Variants in GRM1 observed in about 807,000 individuals in gnomAD.
GRM1 encodes glutamate metabotropic receptor 1.
Under a neutral mutation model 90.9 loss-of-function variants are expected in GRM1, and 33 were observed. The observed-to-expected ratio is 0.36, with a 90% CI of 0.28 to 0.49. The LOEUF is 0.49. Ranked by LOEUF, GRM1 falls within the 20% of genes least tolerant of loss-of-function variation. The pLI, the probability that GRM1 is intolerant of heterozygous loss-of-function variation, is 0.99. For synonymous variants in GRM1, 700 were observed against 613.2 expected (o/e 1.14, Z -2.09); for missense variants, 1,190 against 1,534.3 (o/e 0.78, Z 3.75).
chr6:146,125,450 T>C, intron 1 of GRM1, among the ~76,000 whole-genome samples: 1 of 151,794 alleles, frequency 6.6e-6, no homozygotes, highest in East Asian at 1.9e-4. Flanking sequence ...CTCTTTCTTT[T>C]CTTTCTTTCT....
chr6:146,275,277 G>A (rs1782312567), intron 2 of GRM1, among the ~76,000 whole-genome samples: 1 of 152,200 alleles, frequency 6.6e-6, no homozygotes, highest in Non-Finnish European at 1.5e-5. Flanking sequence ...AATTAAGCTA[G>A]ACCTTTTAAG....
chr6:146,160,798 G>A (rs1402324608), intron 2 of GRM1, among the ~76,000 whole-genome samples: 1 of 152,056 alleles, frequency 6.6e-6, no homozygotes, highest in Non-Finnish European at 1.5e-5. Context: ...ACAAATAAAT[G>A]AATAAAGAAA....
At chr6:146,194,066 T>C (rs986911184) in intron 2 of GRM1, among the ~76,000 whole-genome samples, 17 of 152,048 alleles carry the variant, frequency 1.1e-4, no homozygotes, top group African/African-American at 3.9e-4. Context: ...TTTCTTGATA[T>C]TTTTGTTATT....
At chr6:146,321,085 T>C (rs1784172068) in intron 3 of GRM1, among the ~76,000 whole-genome samples, 1 of 152,234 alleles carries the variant, frequency 6.6e-6, no homozygotes, top group African/African-American at 2.4e-5. Context: ...TTTATATCTT[T>C]CTCACTTTCC....
chr6:146,144,941 G>A (rs552245253), intron 1 of GRM1, among the ~76,000 whole-genome samples: 65 of 152,328 alleles, frequency 4.3e-4, no homozygotes, highest in African/African-American at 1.6e-3. Context: ...CTGGAGTAAA[G>A]GCTATCCTTT....
intron 2 of GRM1, among the ~76,000 whole-genome samples, chr6:146,251,703 C>T (rs998308324): frequency 9.2e-5 from 14 of 152,188 alleles, no homozygotes; most frequent in African/African-American, 3.4e-4. Flanking sequence ...GTATGATCCT[C>T]ATAAATCAAC....
intron 1 of GRM1, among the ~76,000 whole-genome samples, chr6:146,143,638 T>C (rs945225568): frequency 6.6e-6 from 1 of 152,298 alleles, no homozygotes; most frequent in Admixed American, 6.5e-5. Flanking sequence ...ACATTTTAAG[T>C]GGCTGCACAA....
chr6:146,373,416 G>A (rs548107176), intron 5 of GRM1, among the ~76,000 whole-genome samples: 163 of 152,214 alleles, frequency 1.1e-3, no homozygotes, highest in African/African-American at 3.7e-3. Flanking sequence ...AAGTGAAGGG[G>A]GAAGTGCTAC....
At chr6:146,322,466 A>T (rs1286617167) in intron 3 of GRM1, among the ~76,000 whole-genome samples, 1 of 152,190 alleles carries the variant, frequency 6.6e-6, no homozygotes, top group African/African-American at 2.4e-5. Context: ...CAGGCAGGAA[A>T]GTTTAAGTCT....
chr6:146,284,147 G>A (rs955116490), intron 2 of GRM1, among the ~76,000 whole-genome samples: 23 of 152,160 alleles, frequency 1.5e-4, no homozygotes, highest in African/African-American at 4.8e-4. Context: ...TGAAAAGCAT[G>A]TGGGAAATAT....
intron 7 of GRM1, among the ~76,000 whole-genome samples, chr6:146,426,328 CA>C (rs1257311873): frequency 2.0e-5 from 3 of 149,062 alleles, no homozygotes; most frequent in Non-Finnish European, 4.5e-5. Context: ...ACACACACAG[CA>C]AAAAAAGCAT....
chr6:146,307,388 C>T (rs568291489), intron 3 of GRM1, among the ~76,000 whole-genome samples: 47 of 152,166 alleles, frequency 3.1e-4, no homozygotes, highest in Non-Finnish European at 5.6e-4. Flanking sequence ...ATTCATAAAA[C>T]TTATTTATGT....
At chr6:146,163,927 G>T (rs773921487) in intron 2 of GRM1, among the ~76,000 whole-genome samples, 39 of 151,906 alleles carry the variant, frequency 2.6e-4, no homozygotes, top group Admixed American at 7.2e-4. Context: ...CTTAACATGG[G>T]ACTTTACAAT....
At chr6:146,052,621 C>T (rs994420668) in intron 1 of GRM1, among the ~76,000 whole-genome samples, 2 of 151,960 alleles carry the variant, frequency 1.3e-5, no homozygotes, top group Admixed American at 6.6e-5. Flanking sequence ...GAAGGATGTA[C>T]CCTCATTAAT....
intron 3 of GRM1, among the ~76,000 whole-genome samples, chr6:146,335,319 C>G (rs362984): frequency 6.6e-6 from 1 of 152,104 alleles, no homozygotes; most frequent in African/African-American, 2.4e-5. Context: ...GTTTCAGTCT[C>G]TCTACATAGA....
Position 146,053,119 on chromosome 6 carries a change from T to C in GRM1, c.700+22902T>C, listed in dbSNP as rs74418209. ...TTAGCCTTCAGATGGAAACTTCTTTTATACCCCTGGTTTAAAAAGTAATTT... is the reference window on the plus strand; with the variant it reads ...TTAGCCTTCAGATGGAAACTTCTTTCATACCCCTGGTTTAAAAAGTAATTT... On this transcript the variant is annotated intron_variant, in intron 1 of 7. Coordinates refer to ENST00000282753, the MANE Select transcript of GRM1 (RefSeq NM_001278064.2). 2.5e-3 allele frequency among the ~76,000 whole-genome samples: 381 copies of C among 152,236 alleles called. 5 individuals carry two copies. In the East Asian group the frequency reaches 0.037, roughly 15 times the overall value.
intron 2 of GRM1, among the ~76,000 whole-genome samples, chr6:146,262,357 C>T (rs1583238965): frequency 1.3e-5 from 2 of 152,110 alleles, no homozygotes; most frequent in Admixed American, 6.5e-5. Context: ...AGATTTTCAT[C>T]TCACAGCATA....
intron 2 of GRM1, among the ~76,000 whole-genome samples, chr6:146,198,377 G>T (rs1212458244): frequency 6.6e-6 from 1 of 152,046 alleles, no homozygotes; most frequent in African/African-American, 2.4e-5. Flanking sequence ...ATTTAGTGAT[G>T]GCAATCAAGT....
chr6:146,356,374 T>C (rs942273417), intron 4 of GRM1, among the ~76,000 whole-genome samples: 1 of 152,114 alleles, frequency 6.6e-6, no homozygotes. Flanking sequence ...GGACCTGCTT[T>C]CTGGTTCACA....
Sources: allele counts gnomAD v4.1 joint callset (sites outside exome capture counted in the v4.1 genomes callset), GRCh38; gene constraint gnomAD v4.1.1; transcripts MANE v1.5; gene names NCBI Gene and HGNC (gene_info 2026-07-23, HGNC 2026-07-21).